MYO6: variants seen among roughly 807,000 people sequenced by gnomAD.
The protein encoded by MYO6 is myosin VI.
A neutral mutation model predicts 178.7 loss-of-function variants in MYO6; 74 were observed. The ratio of observed to expected loss-of-function variants is 0.41; its 90% confidence interval spans 0.34 to 0.50. The LOEUF is 0.50. Ranked by LOEUF, MYO6 falls within the 20% of genes least tolerant of loss-of-function variation. The pLI is 0.09. For missense variants in MYO6, 1,330 were observed against 1,547.4 expected, an observed-to-expected ratio of 0.86 and a Z score of 2.36; for synonymous variants, 477 against 504.6, an observed-to-expected ratio of 0.95 and a Z score of 0.73.
Position 75,772,340 on chromosome 6 carries a change from C to T in MYO6, c.-48+22917C>T, listed in dbSNP as rs1035509127. Among the ~76,000 whole-genome samples, 7 of 152,092 alleles carry T rather than the reference C, an allele frequency of 4.6e-5. No homozygotes were observed. In the South Asian group the frequency reaches 1.0e-3, roughly 22 times the overall value. ...ACACTCATACACTATCCCCCACCCC[C>T]GTCGCACAGTTTAAAGCCTTCTCAT... On this transcript the variant is annotated intron_variant, in intron 1 of 34. Coordinates refer to ENST00000369977, the MANE Select transcript of MYO6 (RefSeq NM_004999.4).
At chr6:75,869,278 A>C (rs1418396882) in intron 18 of MYO6, among the ~76,000 whole-genome samples, 2 of 152,084 alleles carry the variant, frequency 1.3e-5, no homozygotes, top group Non-Finnish European at 2.9e-5. Context: ...TGACAAATCC[A>C]TTCCATTTTA....
chr6:75,806,990 T>TA (rs1399388606), intron 1 of MYO6, among the ~76,000 whole-genome samples: 1 of 152,108 alleles, frequency 6.6e-6, no homozygotes, highest in Non-Finnish European at 1.5e-5. Flanking sequence ...TCAGCACAGA[T>TA]AAAAAACTGA....
chr6:75,915,086 C>T lies in MYO6; in HGVS notation c.*74C>T, dbSNP rs1478994792. The T allele has an allele frequency of 7.5e-7, 1 of 1,334,066 alleles. No homozygotes were observed. Among genetic ancestry groups the T allele is most frequent in the Non-Finnish European group, 1.1e-6 (1 of 950,302 alleles). 82.6% of individuals were successfully genotyped at this position (1,334,066 alleles called of 1,614,324 possible). ...GTAGGGTGTGTGCCCCCAGATTTAA[C>T]CATTCCATAATCATGTTAGAGTTAC... On this transcript the variant is annotated 3_prime_UTR_variant, in exon 35 of 35. Transcript: ENST00000369977.
chr6:75,830,081 G>A (rs891026230), intron 4 of MYO6, among the ~76,000 whole-genome samples: 2 of 152,164 alleles, frequency 1.3e-5, no homozygotes. Context: ...TCTGTCTGTG[G>A]TGACTTGGTG....
intron 22 of MYO6, 87 bp from the exon 23 acceptor site, chr6:75,881,602 T>C: frequency 7.4e-7 from 1 of 1,346,236 alleles, no homozygotes; most frequent in Non-Finnish European, 1.1e-6. Context: ...AGTTAGATTT[T>C]GGATTTGAAT....
At chr6:75,877,760 G>A (rs926826603) in intron 20 of MYO6, among the ~76,000 whole-genome samples, 1 of 151,802 alleles carries the variant, frequency 6.6e-6, no homozygotes, top group African/African-American at 2.4e-5. Context: ...TTAGAAGGCA[G>A]AGTATTTGCC....
At chr6:75,894,768 A>G (rs1779163679) in intron 28 of MYO6, 1 of 1,382,820 alleles carries the variant, frequency 7.2e-7, no homozygotes, top group Non-Finnish European at 9.9e-7. Flanking sequence ...TGTATATATT[A>G]TAGATAGATT....
At chr6:75,899,805 T>C (rs1160919672) in intron 30 of MYO6, among the ~76,000 whole-genome samples, 1 of 150,846 alleles carries the variant, frequency 6.6e-6, no homozygotes, top group Non-Finnish European at 1.5e-5. Context: ...TACATATGTA[T>C]ACATGTGCCA....
rs1562208748 is a variant in MYO6 at position 75,822,764 on chromosome 6, A to G, written c.118-18A>G. ...TTTAAAAGCCTTGAGTTTAATGAGCATTTGTTTTGCTTGTTAGACATTTTT... is the reference window on the plus strand; with the variant it reads ...TTTAAAAGCCTTGAGTTTAATGAGCGTTTGTTTTGCTTGTTAGACATTTTT... On this transcript the variant is annotated intron_variant, in intron 2 of 34. Coordinates refer to ENST00000369977, the MANE Select transcript of MYO6 (RefSeq NM_004999.4). 3 of 1,609,440 alleles carry G rather than the reference A, an allele frequency of 1.9e-6. No individual in the cohort carries two copies. Among genetic ancestry groups the G allele is most frequent in the African/African-American group, 1.3e-5 (1 of 74,804 alleles).
chr6:75,792,201 A>G (rs2150088654), intron 1 of MYO6, among the ~76,000 whole-genome samples: 1 of 152,340 alleles, frequency 6.6e-6, no homozygotes, highest in Middle Eastern at 3.4e-3. Flanking sequence ...GGTTATAATT[A>G]CTGTTGCTAC....
intron 14 of MYO6, 100 bp from the exon 15 acceptor site, chr6:75,860,923 C>A: frequency 2.2e-6 from 2 of 928,876 alleles, no homozygotes; most frequent in Non-Finnish European, 3.5e-6. Context: ...TTTGTATAAA[C>A]CTTTGCATTC....
intron 6 of MYO6, among the ~76,000 whole-genome samples, chr6:75,834,676 C>T (rs1773467226): frequency 6.6e-6 from 1 of 152,190 alleles, no homozygotes; most frequent in South Asian, 2.1e-4. Flanking sequence ...ACCAGTGTTA[C>T]TCCCACAGAA....
In MYO6 at chr6:75,879,955, A is replaced by C; in HGVS notation, c.2208+5A>C. The C allele has an allele frequency of 6.2e-7, 1 of 1,614,158 alleles. No homozygotes were observed. On this transcript the variant is annotated splice_donor_5th_base_variant and intron_variant, in intron 21 of 34. Transcript: ENST00000369977. The stretch of plus-strand genomic sequence containing the variant: ...GATCCAAGACTATTTTGTAAGGTAT[A>C]AATGCCACCCAAATTGAAATTTCTT...
At chr6:75,787,726 CTCTCTATATATATATATA>C (rs1767780027) in intron 1 of MYO6, among the ~76,000 whole-genome samples, 1 of 20,462 alleles carries the variant, frequency 4.9e-5, no homozygotes, top group South Asian at 2.7e-3. Flanking sequence ...CTCTCTCTCT[CTCTCTATATATATATATA>C]TATATATATA....
rs146898077 is a variant in MYO6, at chr6:75,797,136, C to T, written c.-47-20365C>T. Among the ~76,000 whole-genome samples, 1,989 of 152,204 alleles carry T rather than the reference C, an allele frequency of 0.013. 72 individuals are homozygous for T. The East Asian group carries it at 0.15, about 11-fold the overall frequency. On this transcript the variant is annotated intron_variant, in intron 1 of 34. Coordinates refer to ENST00000369977, the MANE Select transcript of MYO6 (RefSeq NM_004999.4). ...ACAGAGTCTTGCTCTGTCACCCAGG[C>T]TGGAGAGCGGTGGCACAATGTCGGC...
chr6:75,819,986 G>A (rs1771711203), intron 2 of MYO6, among the ~76,000 whole-genome samples: 1 of 152,178 alleles, frequency 6.6e-6, no homozygotes, highest in Non-Finnish European at 1.5e-5. Context: ...CAAGGCTGCA[G>A]TGAGCTGTGA....
intron 32 of MYO6, among the ~76,000 whole-genome samples, chr6:75,910,813 C>T (rs1270088273): frequency 6.6e-6 from 1 of 152,058 alleles, no homozygotes; most frequent in Non-Finnish European, 1.5e-5. Flanking sequence ...AAATTCTATA[C>T]TTAAATGATT....
At chr6:75,787,480 G>T (rs190619775) in intron 1 of MYO6, among the ~76,000 whole-genome samples, 1 of 151,892 alleles carries the variant, frequency 6.6e-6, no homozygotes, top group Admixed American at 6.6e-5. Flanking sequence ...AAAGACACCA[G>T]AACTCAGGAA....
chr6:75,770,998 T>C (rs1376701200), intron 1 of MYO6, among the ~76,000 whole-genome samples: 1 of 151,760 alleles, frequency 6.6e-6, no homozygotes, highest in Admixed American at 6.6e-5. Flanking sequence ...GCACTTTTTT[T>C]TTTCTTTTTT....
Sources: allele counts gnomAD v4.1 joint callset (sites outside exome capture counted in the v4.1 genomes callset), GRCh38; gene constraint gnomAD v4.1.1; transcripts MANE v1.5; gene names NCBI Gene and HGNC (gene_info 2026-07-23, HGNC 2026-07-21).